CLSTN2: variants seen among roughly 807,000 people sequenced by gnomAD.
CLSTN2 encodes calsyntenin 2.
CLSTN2 carries 48 observed loss-of-function variants against 101.2 expected under a neutral mutation model. That is an observed-to-expected ratio of 0.47 (90% confidence interval 0.38 to 0.60). The LOEUF (loss-of-function observed/expected upper bound fraction) is 0.60. Ranked by LOEUF, CLSTN2 falls within the 20% of genes least tolerant of loss-of-function variation. The pLI, the probability that CLSTN2 is intolerant of heterozygous loss-of-function variation, is 0.00. For missense variants in CLSTN2, 1,160 were observed against 1,238.2 expected (o/e 0.94, Z 0.95); for synonymous variants, 481 against 463.6 (o/e 1.04, Z -0.48).
At chr3:140,303,821 C>A (rs2087085142) in intron 2 of CLSTN2, among the ~76,000 whole-genome samples, 1 of 151,762 alleles carries the variant, frequency 6.6e-6, no homozygotes, top group African/African-American at 2.4e-5. Flanking sequence ...CATGAGGAGA[C>A]CAGCCATGAC....
intron 2 of CLSTN2, among the ~76,000 whole-genome samples, chr3:140,369,239 T>C (rs1559850748): frequency 6.6e-6 from 1 of 152,260 alleles, no homozygotes; most frequent in Non-Finnish European, 1.5e-5. Flanking sequence ...ATCAATTGGA[T>C]TCTAGACACT....
intron 5 of CLSTN2, among the ~76,000 whole-genome samples, chr3:140,446,983 C>CA (rs1224982997): frequency 6.6e-6 from 1 of 152,184 alleles, no homozygotes; most frequent in Non-Finnish European, 1.5e-5. Context: ...AAACCCTGAA[C>CA]AAATGGTTGC....
At chr3:140,184,047 A>G (rs1454679712) in intron 2 of CLSTN2, among the ~76,000 whole-genome samples, 2 of 152,092 alleles carry the variant, frequency 1.3e-5, no homozygotes, top group African/African-American at 4.8e-5. Context: ...GCCAGGCTCA[A>G]CTGATCTCAG....
chr3:140,491,116 T>C (rs1209251395), intron 8 of CLSTN2, among the ~76,000 whole-genome samples: 2 of 152,198 alleles, frequency 1.3e-5, no homozygotes, highest in Non-Finnish European at 2.9e-5. Context: ...AAGCATACTT[T>C]ATATGACAAC....
At position 140,568,632 on chromosome 3, in the gene CLSTN2, C is replaced by G. The variant is rs1985401507; in HGVS notation, c.*2379C>G. On this transcript the variant is annotated 3_prime_UTR_variant, in exon 17 of 17. Transcript: ENST00000458420. ...CAAAATTGTGGCAGCAAAAAGAACA[C>G]TTCATATGCTTAAAACCCATTCTTT... 2 of 152,192 alleles carry G rather than the reference C, an allele frequency of 1.3e-5. No individual in the cohort carries two copies. The highest frequency in any genetic ancestry group is 4.1e-4 in the South Asian group (2 of 4,828). 9.4% of individuals were successfully genotyped at this position (152,192 alleles called of 1,614,324 possible).
Position 140,299,872 on chromosome 3 carries a change from C to T in CLSTN2, c.233-103757C>T, listed in dbSNP as rs111424937. ...TTGGTGTGAGTTACACAGACTTGCA[C>T]GTTGGAGCTCTCAGTGAGGGTTTTC... On this transcript the variant is annotated intron_variant, in intron 2 of 16. Coordinates refer to ENST00000458420, the MANE Select transcript of CLSTN2 (RefSeq NM_022131.3). Among the ~76,000 whole-genome samples the T allele has an allele frequency of 8.0e-3, 1,225 of 152,250 alleles. 17 individuals carry two copies. Among genetic ancestry groups the T allele is most frequent in the African/African-American group, 0.028 (1,155 of 41,532 alleles).
intron 8 of CLSTN2, among the ~76,000 whole-genome samples, chr3:140,496,993 C>T (rs1334337541): frequency 1.3e-5 from 2 of 150,714 alleles, no homozygotes; most frequent in East Asian, 2.0e-4. Context: ...CCCAGCTACT[C>T]GGGAGGCTGA....
chr3:140,449,349 T>C (rs1933182251), intron 6 of CLSTN2: 1 of 152,150 alleles, frequency 6.6e-6, no homozygotes, highest in South Asian at 2.1e-4. Context: ...ACAAAGCCAA[T>C]ACACAAAACC....
intron 1 of CLSTN2, among the ~76,000 whole-genome samples, chr3:140,046,448 A>G (rs1163488506): frequency 3.3e-5 from 5 of 152,110 alleles, no homozygotes; most frequent in Admixed American, 3.3e-4. Context: ...GTACACTGAT[A>G]GGTCTTGACT....
chr3:139,971,877 A>G (rs890693510), intron 1 of CLSTN2, among the ~76,000 whole-genome samples: 3 of 152,126 alleles, frequency 2.0e-5, no homozygotes, highest in African/African-American at 7.2e-5. Flanking sequence ...CTCCAGTGTC[A>G]CCATCTGCAA....
intron 1 of CLSTN2, among the ~76,000 whole-genome samples, chr3:140,015,794 T>C (rs931341105): frequency 2.6e-5 from 4 of 152,256 alleles, no homozygotes; most frequent in African/African-American, 7.2e-5. Flanking sequence ...TGGCAGACTG[T>C]TCTGGTCAGG....
intron 1 of CLSTN2, among the ~76,000 whole-genome samples, chr3:140,009,273 C>T (rs144505021): frequency 3.3e-5 from 5 of 152,192 alleles, no homozygotes; most frequent in Non-Finnish European, 7.4e-5. Flanking sequence ...TAAAACTGAC[C>T]TTGGTAAGTC....
intron 1 of CLSTN2, among the ~76,000 whole-genome samples, chr3:139,960,403 C>T (rs1935487703): frequency 6.6e-6 from 1 of 152,158 alleles, no homozygotes; most frequent in Admixed American, 6.6e-5. Context: ...TGAGGCATCC[C>T]ACACTAGATG....
At chr3:140,494,484 T>C (rs1412647429) in intron 8 of CLSTN2, among the ~76,000 whole-genome samples, 1 of 152,232 alleles carries the variant, frequency 6.6e-6, no homozygotes, top group African/African-American at 2.4e-5. Context: ...ACTTCTGGGG[T>C]ACATGTGCAG....
At chr3:140,437,346 C>G (rs898449499) in intron 5 of CLSTN2, among the ~76,000 whole-genome samples, 1 of 152,174 alleles carries the variant, frequency 6.6e-6, no homozygotes, top group Non-Finnish European at 1.5e-5. Context: ...CCAAGCCCAG[C>G]CAGGAGGTTC....
chr3:140,503,354 C>T (rs1303955934), intron 8 of CLSTN2, among the ~76,000 whole-genome samples: 2 of 152,170 alleles, frequency 1.3e-5, no homozygotes, highest in African/African-American at 4.8e-5. Context: ...TTTATATTTA[C>T]TTGTGTCTAA....
chr3:140,558,210 A>C (rs966184443), intron 11 of CLSTN2, among the ~76,000 whole-genome samples: 2 of 152,238 alleles, frequency 1.3e-5, no homozygotes, highest in Admixed American at 1.3e-4. Context: ...TGATATCCAC[A>C]TAGAGATATA....
chr3:140,256,208 A>G (rs1559820807), intron 2 of CLSTN2, among the ~76,000 whole-genome samples: 1 of 152,120 alleles, frequency 6.6e-6, no homozygotes, highest in African/African-American at 2.4e-5. Flanking sequence ...CTACTTTCCT[A>G]AAGATTGGGG....
At chr3:139,995,119 G>A (rs774286775) in intron 1 of CLSTN2, among the ~76,000 whole-genome samples, 5 of 152,062 alleles carry the variant, frequency 3.3e-5, no homozygotes, top group Admixed American at 6.6e-5. Context: ...CCATGCCCAC[G>A]GGTCTTCTTT....
Sources: allele counts gnomAD v4.1 joint callset (sites outside exome capture counted in the v4.1 genomes callset), GRCh38; gene constraint gnomAD v4.1.1; transcripts MANE v1.5; gene names NCBI Gene and HGNC (gene_info 2026-07-23, HGNC 2026-07-21).